The following SLC4A10 variants were observed in gnomAD, a reference collection of about 807,000 sequenced individuals.
SLC4A10 encodes sodium-driven chloride bicarbonate exchanger.
Under a neutral mutation model 137.7 loss-of-function variants are expected in SLC4A10, and 42 were observed. That is an observed-to-expected ratio of 0.30 (90% confidence interval 0.24 to 0.39). The LOEUF (loss-of-function observed/expected upper bound fraction) is 0.39. SLC4A10 is among the 10% of genes least tolerant of loss of function. The probability of loss-of-function intolerance (pLI) is 1.00; values close to 1 mark genes in which losing one functional copy is unlikely to be tolerated. For synonymous variants in SLC4A10, 474 were observed against 464.1 expected (o/e 1.02, Z -0.27); for missense variants, 925 against 1,355.0 (o/e 0.68, Z 4.98).
chr2:161,830,949 T>A (rs56299944), intron 3 of SLC4A10, among the ~76,000 whole-genome samples: 10,242 of 152,210 alleles, frequency 0.067, 453 homozygotes, highest in East Asian at 0.17. Flanking sequence ...TGGATATGTA[T>A]GTGTTCATAT....
intron 1 of SLC4A10, among the ~76,000 whole-genome samples, chr2:161,680,954 T>C (rs1394905102): frequency 6.6e-6 from 1 of 152,006 alleles, no homozygotes; most frequent in African/African-American, 2.4e-5. Context: ...AAGTAACATC[T>C]TAAAAGACAA....
intron 3 of SLC4A10, among the ~76,000 whole-genome samples, chr2:161,826,576 C>A (rs534401664): frequency 5.9e-5 from 9 of 152,268 alleles, no homozygotes; most frequent in African/African-American, 1.7e-4. Context: ...TAGGAACTAT[C>A]TCTTTAAGCC....
At chr2:161,844,944 C>T (rs116086616) in intron 4 of SLC4A10, among the ~76,000 whole-genome samples, 2,877 of 152,166 alleles carry the variant, frequency 0.019, 37 homozygotes, top group Non-Finnish European at 0.031. Context: ...AATTGGCCAA[C>T]AGTTTTATTT....
chr2:161,698,645 C>G (rs537470156), intron 1 of SLC4A10, among the ~76,000 whole-genome samples: 91 of 152,252 alleles, frequency 6.0e-4, no homozygotes, highest in African/African-American at 1.8e-3. Context: ...CCTTGCCTCC[C>G]AGGGATGAAG....
intron 3 of SLC4A10, among the ~76,000 whole-genome samples, chr2:161,836,562 A>G (rs867721366): frequency 0.018 from 2,120 of 120,472 alleles, 74 homozygotes; most frequent in African/African-American, 0.061. Context: ...GAAAGAAAGA[A>G]AGAAAGAAAG....
intron 1 of SLC4A10, among the ~76,000 whole-genome samples, chr2:161,680,829 A>G (rs1288305274): frequency 2.0e-5 from 3 of 152,124 alleles, no homozygotes; most frequent in African/African-American, 7.2e-5. Flanking sequence ...TGAATTTTAG[A>G]GGAAAGGACA....
intron 4 of SLC4A10, among the ~76,000 whole-genome samples, chr2:161,853,647 TTC>T (rs1322925695): frequency 1.3e-5 from 2 of 152,288 alleles, no homozygotes; most frequent in African/African-American, 4.8e-5. Flanking sequence ...TATGAAAACT[TTC>T]TGTGTAGACA....
At chr2:161,721,831 A>C (rs2045716153) in intron 1 of SLC4A10, among the ~76,000 whole-genome samples, 1 of 152,090 alleles carries the variant, frequency 6.6e-6, no homozygotes, top group African/African-American at 2.4e-5. Context: ...CCAATCCGTC[A>C]TAGTTTGGTC....
chr2:161,968,030 C>T (rs1279877865), intron 23 of SLC4A10, among the ~76,000 whole-genome samples: 5 of 150,392 alleles, frequency 3.3e-5, no homozygotes, highest in Non-Finnish European at 7.4e-5. Context: ...ACAGTATTCT[C>T]CTTAGATCAT....
At chr2:161,729,426 G>A (rs1169657768) in intron 1 of SLC4A10, among the ~76,000 whole-genome samples, 4 of 152,004 alleles carry the variant, frequency 2.6e-5, no homozygotes, top group Admixed American at 1.3e-4. Flanking sequence ...AATTTTTTGA[G>A]GTGATAGAAC....
Position 161,839,946 on chromosome 2 carries a change from G to A in SLC4A10, c.416+19G>A, listed in dbSNP as rs764780125. ...CAGCCAGGTGAGGATTTTTGTTAAA[G>A]GGTGAAGGTATACTAAAGAATTTTC... On this transcript the variant is annotated intron_variant, in intron 4 of 26. Coordinates refer to ENST00000446997, the MANE Select transcript of SLC4A10 (RefSeq NM_001178015.2). The A allele has an allele frequency of 6.2e-7, 1 of 1,613,074 alleles. No homozygotes were observed. The highest frequency in any genetic ancestry group is 1.7e-5 in the Admixed American group (1 of 59,884).
intron 1 of SLC4A10, among the ~76,000 whole-genome samples, chr2:161,756,156 C>T (rs769652151): frequency 3.3e-5 from 5 of 152,082 alleles, no homozygotes; most frequent in East Asian, 1.9e-4. Flanking sequence ...TAAGTGTTCA[C>T]GTCTTGATGC....
rs575872597 is a variant in SLC4A10 at position 161,747,494 on chromosome 2, TG to T, written c.49-23478del. On this transcript the variant is annotated intron_variant, in intron 1 of 26. Coordinates refer to ENST00000446997, the MANE Select transcript of SLC4A10 (RefSeq NM_001178015.2). ...CTGTTCATTGCCTCTTTTCTTGGTA[TG>T]ATGTTAAAATCAGGTACTGTGATTA... Among the ~76,000 whole-genome samples the T allele has an allele frequency of 3.5e-3, 528 of 152,284 alleles. 3 individuals are homozygous for T. In the Middle Eastern group the frequency reaches 0.037, roughly 11 times the overall value.
chr2:161,775,415 C>G (rs1250071384), intron 2 of SLC4A10, among the ~76,000 whole-genome samples: 1 of 151,896 alleles, frequency 6.6e-6, no homozygotes, highest in Non-Finnish European at 1.5e-5. Flanking sequence ...CTCCTACCTT[C>G]TATCATAATA....
chr2:161,781,536 C>T (rs150378210), intron 2 of SLC4A10, among the ~76,000 whole-genome samples: 12 of 151,860 alleles, frequency 7.9e-5, no homozygotes, highest in Admixed American at 2.0e-4. Flanking sequence ...TTGCTGTTGG[C>T]GATGAAATCA....
chr2:161,809,597 T>C (rs2056342723), intron 3 of SLC4A10, among the ~76,000 whole-genome samples: 2 of 152,172 alleles, frequency 1.3e-5, no homozygotes. Context: ...TGCATATGGC[T>C]TGACAGTTAT....
intron 15 of SLC4A10, among the ~76,000 whole-genome samples, chr2:161,939,736 A>G (rs1311234778): frequency 6.6e-6 from 1 of 152,154 alleles, no homozygotes; most frequent in Non-Finnish European, 1.5e-5. Context: ...ATTTAAAAAT[A>G]TAGAAATCTA....
chr2:161,927,392 C>A (rs1395101525), intron 15 of SLC4A10, among the ~76,000 whole-genome samples: 1 of 152,162 alleles, frequency 6.6e-6, no homozygotes, highest in African/African-American at 2.4e-5. Flanking sequence ...GTTCTCAAGC[C>A]TTGGCTTTCA....
intron 1 of SLC4A10, among the ~76,000 whole-genome samples, chr2:161,684,553 G>T (rs1225755610): frequency 6.6e-6 from 1 of 152,170 alleles, no homozygotes; most frequent in Non-Finnish European, 1.5e-5. Context: ...TGGGGATAGG[G>T]TATTATAAAA....
Sources: allele counts gnomAD v4.1 joint callset (sites outside exome capture counted in the v4.1 genomes callset), GRCh38; gene constraint gnomAD v4.1.1; transcripts MANE v1.5; gene names NCBI Gene and HGNC (gene_info 2026-07-23, HGNC 2026-07-21).